STK3: variants seen among roughly 807,000 people sequenced by gnomAD.
The protein encoded by STK3 is serine/threonine kinase 3, also known as serine/threonine-protein kinase 3.
A neutral mutation model predicts 58.0 loss-of-function variants in STK3; 41 were observed. The observed-to-expected ratio is 0.71, with a 90% CI of 0.55 to 0.92. The LOEUF (loss-of-function observed/expected upper bound fraction) is 0.92, where lower values mean the gene tolerates loss of function less well. Among genes scored for constraint, STK3 ranks in the 40% least tolerant of loss-of-function variants. The probability of loss-of-function intolerance (pLI) is 0.00; values close to 1 mark genes in which losing one functional copy is unlikely to be tolerated. For missense variants in STK3, 479 were observed against 602.7 expected, an observed-to-expected ratio of 0.79 and a Z score of 2.15; for synonymous variants, 170 against 191.0, an observed-to-expected ratio of 0.89 and a Z score of 0.91.
intron 9 of STK3, among the ~76,000 whole-genome samples, chr8:98,541,311 T>C (rs1184474369): frequency 6.6e-6 from 1 of 152,148 alleles, no homozygotes; most frequent in East Asian, 1.9e-4. Flanking sequence ...CCCCTAGTGC[T>C]GTCTCGTGGC....
chr8:98,915,444 A>ATATATATATATATATG (rs1839310821), intron 1 of STK3, among the ~76,000 whole-genome samples: 2 of 41,298 alleles, frequency 4.8e-5, no homozygotes, highest in Non-Finnish European at 7.9e-5. Flanking sequence ...ATATATATAT[A>ATATATATATATATATG]TATATATATA....
chr8:98,874,972 T>C (rs1837516788), intron 3 of STK3, among the ~76,000 whole-genome samples: 1 of 152,168 alleles, frequency 6.6e-6, no homozygotes. Flanking sequence ...ATACAAGTCA[T>C]AAACAGTATG....
the STK3 span, among the ~76,000 whole-genome samples, chr8:98,361,109 A>G: frequency 2.4e-3 from 373 of 152,308 alleles, no homozygotes; most frequent in Middle Eastern, 6.8e-3. Context: ...AAGGTATTAG[A>G]TTACACTGAG....
chr8:98,361,252 C>G, the STK3 span, among the ~76,000 whole-genome samples: 2 of 152,102 alleles, frequency 1.3e-5, no homozygotes, highest in African/African-American at 4.8e-5. Flanking sequence ...CTCTGCAGAC[C>G]AGGCCTTGCC....
chr8:98,653,861 A>C (rs963929118), intron 6 of STK3, among the ~76,000 whole-genome samples: 11 of 152,094 alleles, frequency 7.2e-5, no homozygotes, highest in African/African-American at 1.2e-4. Context: ...AACCAAAAAA[A>C]CTCCAGGACC....
intron 3 of STK3, among the ~76,000 whole-genome samples, chr8:98,831,639 G>A (rs1333681926): frequency 6.6e-6 from 1 of 152,226 alleles, no homozygotes; most frequent in Non-Finnish European, 1.5e-5. Flanking sequence ...ACAGTTTGGG[G>A]AAGAGAGAAA....
At chr8:98,537,317 A>C (rs1809847787) in intron 9 of STK3, among the ~76,000 whole-genome samples, 2 of 152,224 alleles carry the variant, frequency 1.3e-5, no homozygotes, top group African/African-American at 4.8e-5. Context: ...AAAAATTTTA[A>C]AGAGGAAAAC....
intron 1 of STK3, among the ~76,000 whole-genome samples, chr8:98,911,290 C>T (rs1181310631): frequency 6.6e-6 from 1 of 152,206 alleles, no homozygotes; most frequent in African/African-American, 2.4e-5. Context: ...AGTCAAGATT[C>T]TGTTTTTGCC....
rs187636791 is a variant in STK3, at chr8:98,545,305, G to A, written c.1141+2664C>T. ...TAGTGCCAGACTGTGAAGGATCTTGGTGACACAGCTGAAGCCTGGACATTC... is the reference window on the plus strand; with the variant it reads ...TAGTGCCAGACTGTGAAGGATCTTGATGACACAGCTGAAGCCTGGACATTC... On this transcript the variant is annotated intron_variant, in intron 9 of 10. Transcript: ENST00000419617. 2.0e-5 allele frequency among the ~76,000 whole-genome samples: 3 copies of A among 152,318 alleles called. No homozygotes were observed. The East Asian group carries it at 5.8e-4, about 29-fold the overall frequency.
intron 6 of STK3, among the ~76,000 whole-genome samples, chr8:98,626,326 A>C (rs190364174): frequency 1.4e-4 from 21 of 152,382 alleles, no homozygotes; most frequent in South Asian, 4.1e-4. Flanking sequence ...GTAGAAATAC[A>C]ATCAAATGTT....
chr8:98,563,283 C>T (rs1018304592), intron 8 of STK3, among the ~76,000 whole-genome samples: 1 of 151,972 alleles, frequency 6.6e-6, no homozygotes, highest in African/African-American at 2.4e-5. Context: ...AGGTTTCTCA[C>T]CATTGGAGTT....
intron 4 of STK3, among the ~76,000 whole-genome samples, chr8:98,707,847 T>C (rs1826073818): frequency 6.6e-6 from 1 of 152,036 alleles, no homozygotes; most frequent in Non-Finnish European, 1.5e-5. Context: ...TCTTTAAGAT[T>C]ATCAGTATCA....
At chr8:98,509,654 A>G (rs1824353197) in intron 10 of STK3, among the ~76,000 whole-genome samples, 2 of 151,886 alleles carry the variant, frequency 1.3e-5, no homozygotes. Context: ...TAAAACTTTT[A>G]AACTTTAAAC....
intron 6 of STK3, among the ~76,000 whole-genome samples, chr8:98,648,987 G>A (rs1459596376): frequency 6.6e-6 from 1 of 151,290 alleles, no homozygotes; most frequent in Non-Finnish European, 1.5e-5. Context: ...AAGCCAGGAG[G>A]CAGATGTTGC....
At chr8:98,900,996 A>G (rs1223424302) in intron 1 of STK3, among the ~76,000 whole-genome samples, 1 of 152,214 alleles carries the variant, frequency 6.6e-6, no homozygotes, top group Non-Finnish European at 1.5e-5. Context: ...ACTTAGCATT[A>G]TCATAAATAT....
At chr8:98,644,475 G>A (rs1047477561) in intron 6 of STK3, among the ~76,000 whole-genome samples, 8 of 152,238 alleles carry the variant, frequency 5.3e-5, no homozygotes, top group Non-Finnish European at 8.8e-5. Context: ...AAAAGCTTCT[G>A]AGAAAATTGA....
intron 4 of STK3, among the ~76,000 whole-genome samples, chr8:98,741,274 C>A (rs938910245): frequency 1.3e-5 from 2 of 152,180 alleles, no homozygotes; most frequent in African/African-American, 2.4e-5. Context: ...CTCTCCACCC[C>A]AAATCAACAG....
At chr8:98,719,418 A>T (rs1369060216) in intron 4 of STK3, among the ~76,000 whole-genome samples, 1 of 152,144 alleles carries the variant, frequency 6.6e-6, no homozygotes, top group Non-Finnish European at 1.5e-5. Flanking sequence ...TACCCTATAT[A>T]TCACTGCTCT....
the STK3 span, among the ~76,000 whole-genome samples, chr8:98,362,104 G>A: frequency 1.4e-4 from 22 of 152,150 alleles, 1 homozygote; most frequent in African/African-American, 5.1e-4. Flanking sequence ...CCAGAAGGAA[G>A]GTCGGTTAAC....
Sources: allele counts gnomAD v4.1 joint callset (sites outside exome capture counted in the v4.1 genomes callset), GRCh38; gene constraint gnomAD v4.1.1; transcripts MANE v1.5; gene names NCBI Gene and HGNC (gene_info 2026-07-23, HGNC 2026-07-21).